UNC5D: variants seen among roughly 807,000 people sequenced by gnomAD.
UNC5D encodes unc-5 netrin receptor D, also known as netrin receptor UNC5D.
In UNC5D, 39 loss-of-function variants were observed where a neutral mutation model predicts 105.4. The ratio of observed to expected loss-of-function variants is 0.37; its 90% confidence interval spans 0.29 to 0.48. UNC5D has a LOEUF of 0.48. Ranked by LOEUF, UNC5D falls within the 20% of genes least tolerant of loss-of-function variation. The probability of loss-of-function intolerance (pLI) is 0.98; values close to 1 mark genes in which losing one functional copy is unlikely to be tolerated. For missense variants in UNC5D, 991 were observed against 1,202.4 expected (o/e 0.82, Z 2.60); for synonymous variants, 452 against 450.4 (o/e 1.00, Z -0.04).
chr8:35,387,649 T>C (rs1030141277), intron 1 of UNC5D, among the ~76,000 whole-genome samples: 2 of 152,186 alleles, frequency 1.3e-5, no homozygotes, highest in East Asian at 1.9e-4. Context: ...GCTAGGCCAC[T>C]TGATGGCTGT....
intron 8 of UNC5D, among the ~76,000 whole-genome samples, chr8:35,712,013 C>G (rs1563694240): frequency 6.6e-6 from 1 of 152,190 alleles, no homozygotes; most frequent in Non-Finnish European, 1.5e-5. Flanking sequence ...TTGGCCATGC[C>G]TGTAATCCTA....
chr8:35,264,771 C>CT (rs1260495129), intron 1 of UNC5D, among the ~76,000 whole-genome samples: 23 of 150,306 alleles, frequency 1.5e-4, no homozygotes, highest in African/African-American at 4.4e-4. Context: ...AGGTGTTAAG[C>CT]TTTTTTTATA....
intron 4 of UNC5D, among the ~76,000 whole-genome samples, chr8:35,677,378 T>TG (rs1426938320): frequency 1.3e-4 from 20 of 152,160 alleles, no homozygotes; most frequent in Admixed American, 9.8e-4. Context: ...GCAGTGCTCG[T>TG]GGGGGTCTCG....
intron 7 of UNC5D, among the ~76,000 whole-genome samples, chr8:35,689,559 A>G (rs567196801): frequency 2.4e-4 from 37 of 152,358 alleles, no homozygotes; most frequent in South Asian, 1.2e-3. Flanking sequence ...TGCAAAGCCA[A>G]TGTCCCAGTT....
At chr8:35,480,621 T>A (rs1373898454) in intron 1 of UNC5D, among the ~76,000 whole-genome samples, 1 of 152,198 alleles carries the variant, frequency 6.6e-6, no homozygotes, top group Non-Finnish European at 1.5e-5. Context: ...CTGTTCTATG[T>A]TTTTAGGATA....
At chr8:35,324,233 CAAAAAAAAA>C (rs569409228) in intron 1 of UNC5D, among the ~76,000 whole-genome samples, 1 of 62,802 alleles carries the variant, frequency 1.6e-5, no homozygotes, top group Non-Finnish European at 2.9e-5. Flanking sequence ...ACCCTGTCTC[CAAAAAAAAA>C]AAAAAAAAAA....
chr8:35,324,621 G>A (rs1810015728), intron 1 of UNC5D, among the ~76,000 whole-genome samples: 1 of 152,094 alleles, frequency 6.6e-6, no homozygotes, highest in South Asian at 2.1e-4. Context: ...CTTGGTGTTT[G>A]CGGTTCCTGA....
At chr8:35,601,316 G>GT (rs1563577431) in intron 4 of UNC5D, among the ~76,000 whole-genome samples, 1 of 152,230 alleles carries the variant, frequency 6.6e-6, no homozygotes, top group African/African-American at 2.4e-5. Flanking sequence ...CTTTAAAGTA[G>GT]TTTTTTCCAA....
At chr8:35,448,293 T>C (rs1807928556) in intron 1 of UNC5D, among the ~76,000 whole-genome samples, 1 of 152,080 alleles carries the variant, frequency 6.6e-6, no homozygotes, top group South Asian at 2.1e-4. Context: ...TAAAGAGTAT[T>C]TTTAAGACAG....
At chr8:35,771,399 A>G (rs1427032368) in intron 15 of UNC5D, among the ~76,000 whole-genome samples, 1 of 152,220 alleles carries the variant, frequency 6.6e-6, no homozygotes, top group Non-Finnish European at 1.5e-5. Flanking sequence ...AATGGCAGCT[A>G]CCATGTTAAC....
intron 1 of UNC5D, among the ~76,000 whole-genome samples, chr8:35,306,507 T>C (rs1224949821): frequency 6.6e-6 from 1 of 151,876 alleles, no homozygotes; most frequent in African/African-American, 2.4e-5. Flanking sequence ...AAAAAGAGAG[T>C]GAACAAGAGA....
chr8:35,397,406 C>T (rs1316810661), intron 1 of UNC5D, among the ~76,000 whole-genome samples: 1 of 152,212 alleles, frequency 6.6e-6, no homozygotes, highest in Non-Finnish European at 1.5e-5. Flanking sequence ...AGATGCCAGG[C>T]AAGGGCCAGC....
chr8:35,278,227 G>T (rs961881451), intron 1 of UNC5D, among the ~76,000 whole-genome samples: 1 of 152,100 alleles, frequency 6.6e-6, no homozygotes, highest in African/African-American at 2.4e-5. Context: ...GGAAAGTCAC[G>T]TGTGCTTCCG....
intron 1 of UNC5D, among the ~76,000 whole-genome samples, chr8:35,443,491 C>G (rs549449012): frequency 1.3e-5 from 2 of 151,908 alleles, no homozygotes; most frequent in East Asian, 3.9e-4. Flanking sequence ...GTTATGGCAT[C>G]ATCTTCTGCT....
chr8:35,788,560 A>G (rs916785813), intron 16 of UNC5D, among the ~76,000 whole-genome samples: 3 of 152,144 alleles, frequency 2.0e-5, no homozygotes, highest in Non-Finnish European at 4.4e-5. Flanking sequence ...GTAGGAATCA[A>G]TTACTTGGCT....
chr8:35,510,848 T>A (rs1357145944), intron 1 of UNC5D, among the ~76,000 whole-genome samples: 1 of 152,188 alleles, frequency 6.6e-6, no homozygotes, highest in Non-Finnish European at 1.5e-5. Context: ...CACATATAAA[T>A]CAATGTCTGG....
At chr8:35,318,591 A>T (rs951417573) in intron 1 of UNC5D, among the ~76,000 whole-genome samples, 2 of 152,150 alleles carry the variant, frequency 1.3e-5, no homozygotes, top group Non-Finnish European at 2.9e-5. Flanking sequence ...TCTATTTATT[A>T]ACTATTTATT....
rs192689920 is a variant in UNC5D at position 35,509,698 on chromosome 8, G to A, written c.104-39594G>A. Among the ~76,000 whole-genome samples the A allele has an allele frequency of 2.1e-3, 310 of 150,994 alleles. 1 individual carries two copies. The highest frequency in any genetic ancestry group is 6.9e-3 in the African/African-American group (283 of 40,810). On this transcript the variant is annotated intron_variant, in intron 1 of 16. Transcript: ENST00000404895. ...AATACTTCTGTGACCTCAGATATTC[G>A]TGGGTTTTTCCCCACACCAAGCAAC... is the stretch of plus-strand genomic sequence containing the variant.
chr8:35,261,499 CA>C (rs1804489991), intron 1 of UNC5D, among the ~76,000 whole-genome samples: 1 of 151,964 alleles, frequency 6.6e-6, no homozygotes, highest in Admixed American at 6.6e-5. Flanking sequence ...AAATAGAATC[CA>C]AAAGGTAAAC....
Sources: allele counts gnomAD v4.1 joint callset (sites outside exome capture counted in the v4.1 genomes callset), GRCh38; gene constraint gnomAD v4.1.1; transcripts MANE v1.5; gene names NCBI Gene and HGNC (gene_info 2026-07-23, HGNC 2026-07-21).